Variants in PTPRT observed in about 807,000 individuals in gnomAD.
PTPRT encodes the protein protein tyrosine phosphatase receptor type T.
Under a neutral mutation model 176.8 loss-of-function variants are expected in PTPRT, and 56 were observed. That is an observed-to-expected ratio of 0.32 (90% CI 0.26 to 0.40). The LOEUF is 0.40. Ranked by LOEUF, PTPRT falls within the 10% of genes least tolerant of loss-of-function variation. PTPRT has a pLI of 1.00. For synonymous variants in PTPRT, 783 were observed against 739.0 expected (o/e 1.06, Z -0.96); for missense variants, 1,540 against 1,908.2 (o/e 0.81, Z 3.60).
At chr20:42,651,154 G>C (rs946291510) in intron 7 of PTPRT, among the ~76,000 whole-genome samples, 1 of 152,046 alleles carries the variant, frequency 6.6e-6, no homozygotes, top group Non-Finnish European at 1.5e-5. Flanking sequence ...AAGTGAATTT[G>C]GTATATATTA....
chr20:42,298,756 A>C (rs1311188898), intron 12 of PTPRT, among the ~76,000 whole-genome samples: 1 of 152,110 alleles, frequency 6.6e-6, no homozygotes, highest in Non-Finnish European at 1.5e-5. Flanking sequence ...CCCTGTCTCT[A>C]CTAAAAATAC....
At chr20:42,916,989 G>A (rs1470225344) in intron 1 of PTPRT, among the ~76,000 whole-genome samples, 1 of 152,124 alleles carries the variant, frequency 6.6e-6, no homozygotes, top group Non-Finnish European at 1.5e-5. Context: ...GTCTATTTTG[G>A]CTTTTGTTGC....
chr20:42,409,143 C>T (rs1283921509), intron 9 of PTPRT, among the ~76,000 whole-genome samples: 2 of 151,944 alleles, frequency 1.3e-5, no homozygotes, highest in African/African-American at 2.4e-5. Flanking sequence ...TATACCATTG[C>T]AATCAAAAAA....
At chr20:43,024,330 C>T (rs1985825817) in intron 1 of PTPRT, among the ~76,000 whole-genome samples, 1 of 151,852 alleles carries the variant, frequency 6.6e-6, no homozygotes, top group African/African-American at 2.4e-5. Flanking sequence ...ACTACTAATG[C>T]AAGAGGGGGT....
intron 2 of PTPRT, among the ~76,000 whole-genome samples, chr20:42,865,951 C>T (rs1205578540): frequency 2.0e-5 from 3 of 152,152 alleles, no homozygotes; most frequent in Non-Finnish European, 2.9e-5. Flanking sequence ...CTCCCCTCTG[C>T]TCTTCCCTTT....
At chr20:42,203,365 G>C (rs1028278631) in intron 15 of PTPRT, among the ~76,000 whole-genome samples, 1 of 152,042 alleles carries the variant, frequency 6.6e-6, no homozygotes, top group Non-Finnish European at 1.5e-5. Context: ...TCTGTGAATA[G>C]GGCAAACAAG....
intron 13 of PTPRT, among the ~76,000 whole-genome samples, chr20:42,281,221 T>C (rs1214467625): frequency 1.3e-5 from 2 of 152,186 alleles, no homozygotes; most frequent in African/African-American, 4.8e-5. Flanking sequence ...TCACTTTTGT[T>C]TGCAGGCCAT....
intron 2 of PTPRT, among the ~76,000 whole-genome samples, chr20:42,832,037 A>G (rs1357980572): frequency 6.6e-6 from 1 of 152,252 alleles, no homozygotes; most frequent in Admixed American, 6.5e-5. Context: ...GTATACACCC[A>G]AAGGAATATA....
chr20:42,602,644 C>T (rs1434045883), intron 7 of PTPRT, among the ~76,000 whole-genome samples: 1 of 152,196 alleles, frequency 6.6e-6, no homozygotes, highest in East Asian at 1.9e-4. Context: ...CAGCATGATT[C>T]CAGAGCAAAT....
In PTPRT at chr20:42,472,365, C is replaced by G. The variant is rs776803561; in HGVS notation, c.1351G>C (p.Gly451Arg). 6.2e-7 allele frequency: 1 copy of G among 1,614,226 alleles called. No homozygotes were observed. The highest frequency in any genetic ancestry group is 1.1e-5 in the South Asian group (1 of 91,086). ...IQTSSHYTLR[G>R]LRPFMTIRLR... ...CGGATGGTCATGAAGGGGCGCAGGC[C>G]TCGCAGGGTGTAGTGGGAGGAGGTC... Residue 451 changes from glycine (G) to arginine (R), a missense_variant, in exon 8 of 31, where the codon GGC (glycine) becomes CGC (arginine). Transcript: ENST00000373187.
At chr20:42,032,785 C>G in the PTPRT span, among the ~76,000 whole-genome samples, 2 of 152,274 alleles carry the variant, frequency 1.3e-5, no homozygotes, top group South Asian at 4.1e-4. Context: ...TCCCTCTCAT[C>G]TCACTGGTGT....
intron 15 of PTPRT, among the ~76,000 whole-genome samples, chr20:42,225,359 T>A (rs1207359416): frequency 3.9e-5 from 6 of 152,180 alleles, no homozygotes; most frequent in Admixed American, 6.5e-5. Flanking sequence ...GTACACTGTA[T>A]TAATTTCTTA....
intron 7 of PTPRT, among the ~76,000 whole-genome samples, chr20:42,573,810 G>A (rs533951184): frequency 6.9e-6 from 1 of 145,876 alleles, no homozygotes; most frequent in Admixed American, 6.9e-5. Flanking sequence ...GTGCAGTGGC[G>A]CAATCTCAGC....
At chr20:42,795,430 T>C (rs1214885846) in intron 2 of PTPRT, among the ~76,000 whole-genome samples, 1 of 152,250 alleles carries the variant, frequency 6.6e-6, no homozygotes, top group African/African-American at 2.4e-5. Context: ...GTGGCTATTG[T>C]GTTTACACAT....
At chr20:43,184,643 C>T (rs566982688) in intron 1 of PTPRT, among the ~76,000 whole-genome samples, 16 of 151,958 alleles carry the variant, frequency 1.1e-4, no homozygotes, top group African/African-American at 2.9e-4. Context: ...GCTGAGATCA[C>T]GCCACCGTGC....
chr20:42,708,380 G>C (rs1375240655), intron 6 of PTPRT, among the ~76,000 whole-genome samples: 5 of 152,272 alleles, frequency 3.3e-5, no homozygotes, highest in Middle Eastern at 6.8e-3. Flanking sequence ...TTGAAAAAGA[G>C]AACCACATGA....
chr20:42,717,248 G>T (rs901464674), intron 6 of PTPRT, among the ~76,000 whole-genome samples: 14 of 150,242 alleles, frequency 9.3e-5, no homozygotes, highest in African/African-American at 3.4e-4. Context: ...TGGATTTCAA[G>T]ACTTGTCATA....
intron 1 of PTPRT, among the ~76,000 whole-genome samples, chr20:42,918,596 C>T (rs1202071329): frequency 3.9e-5 from 6 of 152,160 alleles, no homozygotes; most frequent in Non-Finnish European, 8.8e-5. Flanking sequence ...CCATTGCAAC[C>T]ACCCCCCTTT....
intron 7 of PTPRT, among the ~76,000 whole-genome samples, chr20:42,602,415 A>T (rs2073797739): frequency 6.6e-6 from 1 of 152,204 alleles, no homozygotes; most frequent in African/African-American, 2.4e-5. Flanking sequence ...GATAATAATC[A>T]TAAGGGTAAT....
Sources: gnomAD v4.1 joint callset for allele counts (sites outside exome capture counted in the v4.1 genomes callset) on GRCh38, gnomAD v4.1.1 for gene constraint, MANE v1.5 for transcripts, NCBI Gene and HGNC (gene_info 2026-07-23, HGNC 2026-07-21) for gene names.